GPR174: variants seen among roughly 807,000 people sequenced by gnomAD.
The protein encoded by GPR174 is probable G protein-coupled receptor 174.
In GPR174, 8 loss-of-function variants were observed where a neutral mutation model predicts 16.5. The ratio of observed to expected loss-of-function variants is 0.48; its 90% CI spans 0.28 to 0.87. The LOEUF (loss-of-function observed/expected upper bound fraction) is 0.87, where lower values mean the gene tolerates loss of function less well. Ranked by LOEUF, GPR174 falls within the 40% of genes least tolerant of loss-of-function variation. GPR174 has a pLI of 0.09. For missense variants in GPR174, 214 were observed against 247.5 expected (o/e 0.86, Z 0.91); for synonymous variants, 111 against 94.8 (o/e 1.17, Z -0.99).
At position 79,171,436 on chromosome X, in the gene GPR174, G is replaced by T. The variant is rs187883081; in HGVS notation, c.429G>T (p.Leu143=). 1.2e-5 allele frequency: 15 copies of T among 1,209,686 alleles called. No homozygotes were observed. In the Admixed American group the frequency reaches 2.0e-4, roughly 16 times the overall value. Residue 143 remains leucine, a synonymous_variant, in exon 3 of 3, where the codon CTG becomes CTT. Transcript: ENST00000645147. ...YDLYISIAGW[L]IICLACVLFP... is the part of the protein sequence containing the mutation. ...TGTACATCAGCATTGCTGGCTGGCT[G>T]ATCATCTGCCTTGCCTGTGTACTCT...
Position 79,173,885 on chromosome X carries a change from T to C in GPR174, c.*1876T>C, listed in dbSNP as rs779498886. 2 of 112,058 alleles carry C rather than the reference T, an allele frequency of 1.8e-5. No homozygotes were observed. Among genetic ancestry groups the C allele is most frequent in the South Asian group, 7.4e-4 (2 of 2,699 alleles). 9.2% of individuals were successfully genotyped at this position (112,058 alleles called of 1,213,427 possible). ...TCTTTGCTTTAAAGTGTCTTTTGTT[T>C]GACTATAATTTAGTGTTGCAATAGG... On this transcript the variant is annotated 3_prime_UTR_variant, in exon 3 of 3. Coordinates refer to ENST00000645147, the MANE Select transcript of GPR174 (RefSeq NM_032553.3).
rs1926456813 is a variant in GPR174 at position 79,144,948 on chromosome X, CTTTT to C, written c.-921_-918del. 3.0e-5 allele frequency: 3 copies of C among 98,610 alleles called. No homozygotes were observed. Among genetic ancestry groups the C allele is most frequent in the Non-Finnish European group, 6.1e-5 (3 of 49,356 alleles). 8.1% of individuals were successfully genotyped at this position (98,610 alleles called of 1,213,427 possible). ...TCCTCTCCTTTCCTTTTCTTTCTTT[CTTTT>C]TCTTTCTTTCTTTCTCTTTCTTTCT... On this transcript the variant is annotated 5_prime_UTR_variant, in exon 1 of 3. Coordinates refer to ENST00000645147, the MANE Select transcript of GPR174 (RefSeq NM_032553.3).
intron 2 of GPR174, among the ~76,000 whole-genome samples, chrX:79,166,554 TC>T (rs1190199137): frequency 1.0e-5 from 1 of 99,589 alleles, no homozygotes; most frequent in Non-Finnish European, 2.0e-5. Context: ...TTCTCCTGCC[TC>T]AGTGTCCCAA....
chrX:79,145,896 A>G (rs1926491436), intron 1 of GPR174, among the ~76,000 whole-genome samples: 1 of 111,965 alleles, frequency 8.9e-6, no homozygotes, highest in Non-Finnish European at 1.9e-5. Context: ...TCTGTTTTTC[A>G]TAGATAAGCT....
intron 1 of GPR174, among the ~76,000 whole-genome samples, chrX:79,152,811 T>C (rs1488413839): frequency 3.6e-5 from 4 of 112,003 alleles, no homozygotes; most frequent in Admixed American, 9.5e-5. Context: ...CACTTCTCTC[T>C]TAAGGGTATG....
chrX:79,154,076 T>C (rs921977974), intron 1 of GPR174, among the ~76,000 whole-genome samples: 4 of 112,001 alleles, frequency 3.6e-5, no homozygotes, highest in Non-Finnish European at 7.5e-5. Context: ...ATTGAACTTA[T>C]CAATGGATAC....
intron 2 of GPR174, among the ~76,000 whole-genome samples, chrX:79,166,935 T>G (rs936793884): frequency 1.8e-5 from 2 of 111,725 alleles, no homozygotes; most frequent in African/African-American, 3.3e-5. Context: ...GACATATTTC[T>G]GACACAAATA....
intron 2 of GPR174, among the ~76,000 whole-genome samples, chrX:79,163,254 G>A (rs904493846): frequency 6.2e-5 from 7 of 112,042 alleles, no homozygotes; most frequent in African/African-American, 9.7e-5. Flanking sequence ...GTATTAAAAA[G>A]GAAATAGGGC....
chrX:79,165,659 G>A (rs905498338), intron 2 of GPR174, among the ~76,000 whole-genome samples: 4 of 111,147 alleles, frequency 3.6e-5, no homozygotes, highest in East Asian at 2.8e-4. Flanking sequence ...CAACAATTCC[G>A]GCCAGAACCT....
chrX:79,169,388 C>T (rs1354889748), intron 2 of GPR174, among the ~76,000 whole-genome samples: 1 of 111,789 alleles, frequency 8.9e-6, no homozygotes, highest in East Asian at 2.8e-4. Context: ...CTATGTCTTC[C>T]TTACCTGAGA....
Position 79,173,410 on chromosome X carries a change from G to T in GPR174, c.*1401G>T, listed in dbSNP as rs904648294. On this transcript the variant is annotated 3_prime_UTR_variant, in exon 3 of 3. Coordinates refer to ENST00000645147, the MANE Select transcript of GPR174 (RefSeq NM_032553.3). ...ATTAAACCTTAGGTTGTAAGTATTA[G>T]AATATTTTGAAACATGTTTTAGCAA... The T allele has an allele frequency of 8.9e-6, 1 of 112,082 alleles. No homozygotes were observed. Among genetic ancestry groups the T allele is most frequent in the African/African-American group, 3.2e-5 (1 of 30,842 alleles). 9.2% of individuals were successfully genotyped at this position (112,082 alleles called of 1,213,427 possible).
chrX:79,155,883 T>A (rs903956399), intron 1 of GPR174, among the ~76,000 whole-genome samples: 1 of 111,956 alleles, frequency 8.9e-6, no homozygotes, highest in East Asian at 2.8e-4. Context: ...CTTTCCTGCC[T>A]TATCCTTCCC....
At chrX:79,147,003 CCTT>C (rs2147446045) in intron 1 of GPR174, among the ~76,000 whole-genome samples, 1 of 111,858 alleles carries the variant, frequency 8.9e-6, no homozygotes, top group South Asian at 3.8e-4. Context: ...CCACCCAAAA[CCTT>C]CTTTTTATGC....
chrX:79,164,742 A>G (rs1290559873), intron 2 of GPR174, among the ~76,000 whole-genome samples: 1 of 112,120 alleles, frequency 8.9e-6, no homozygotes, highest in Non-Finnish European at 1.9e-5. Context: ...CCTGTTTAGT[A>G]GGAGTAGCAG....
In GPR174 at chrX:79,170,979, A is replaced by C. The variant is rs756141715; in HGVS notation, c.-29A>C. ...GTGAATTTAGTTTTGAACCACCATT[A>C]GGCAAAGATAGTTTCTCTAGAGAGA... On this transcript the variant is annotated 5_prime_UTR_variant, in exon 3 of 3. Coordinates refer to ENST00000645147, the MANE Select transcript of GPR174 (RefSeq NM_032553.3). 14 of 1,134,949 alleles carry C rather than the reference A, an allele frequency of 1.2e-5. No individual in the cohort carries two copies. The highest frequency in any genetic ancestry group is 1.3e-5 in the Non-Finnish European group (11 of 848,521). The allele number at this position is 1,134,949 out of a possible 1,213,427, so 93.5% of individuals were successfully genotyped here.
At chrX:79,150,371 C>T (rs1025806450) in intron 1 of GPR174, among the ~76,000 whole-genome samples, 7 of 111,498 alleles carry the variant, frequency 6.3e-5, no homozygotes, top group African/African-American at 2.3e-4. Context: ...CTCCTGGACA[C>T]TCATTGGAAA....
intron 1 of GPR174, among the ~76,000 whole-genome samples, chrX:79,156,356 C>T (rs1378193770): frequency 8.9e-6 from 1 of 112,509 alleles, no homozygotes; most frequent in Non-Finnish European, 1.9e-5. Context: ...GCTGTGCTGA[C>T]AACCACTGGC....
rs62606435 is a variant in GPR174 at position 79,146,185 on chromosome X, T to C, written c.-654+968T>C. Among the ~76,000 whole-genome samples, 931 of 111,509 alleles carry C rather than the reference T, an allele frequency of 8.3e-3. 5 individuals are homozygous for C. The highest frequency in any genetic ancestry group is 0.014 in the Non-Finnish European group (731 of 52,995). On this transcript the variant is annotated intron_variant, in intron 1 of 2. Coordinates refer to ENST00000645147, the MANE Select transcript of GPR174 (RefSeq NM_032553.3). Reference sequence around the variant, plus strand: ...AAGAGAAAAAAGTCATGAATTCCTATGTGAGAGAGAGATAGAAATGAGGAG... The same window carrying C: ...AAGAGAAAAAAGTCATGAATTCCTACGTGAGAGAGAGATAGAAATGAGGAG...
At chrX:79,166,376 G>T (rs1384971359) in intron 2 of GPR174, among the ~76,000 whole-genome samples, 2 of 102,603 alleles carry the variant, frequency 1.9e-5, no homozygotes, top group African/African-American at 7.1e-5. Flanking sequence ...AAAATTGTTT[G>T]CAAAAGACCA....
Sources: gnomAD v4.1 joint callset for allele counts (sites outside exome capture counted in the v4.1 genomes callset) on GRCh38, gnomAD v4.1.1 for gene constraint, MANE v1.5 for transcripts, NCBI Gene and HGNC (gene_info 2026-07-23, HGNC 2026-07-21) for gene names.